The following COG4 variants were observed in gnomAD, a reference collection of about 807,000 sequenced individuals.
COG4 encodes component of oligomeric golgi complex 4, also known as conserved oligomeric Golgi complex subunit 4.
In COG4, 65 loss-of-function variants were observed where a neutral mutation model predicts 95.1. That is an observed-to-expected ratio of 0.68 (90% CI 0.56 to 0.84). The LOEUF (loss-of-function observed/expected upper bound fraction) is 0.84, where lower values mean the gene tolerates loss of function less well. COG4 is among the 40% of genes least tolerant of loss of function. COG4 has a pLI of 0.00. For missense variants in COG4, 1,045 were observed against 989.1 expected (o/e 1.06, Z -0.76); for synonymous variants, 421 against 374.8 (o/e 1.12, Z -1.42).
intron 1 of COG4, among the ~76,000 whole-genome samples, chr16:70,520,632 C>G (rs1251400233): frequency 8.7e-6 from 1 of 115,286 alleles, no homozygotes; most frequent in African/African-American, 3.1e-5. Context: ...AACGCTGTCT[C>G]AAAAAAAAAA....
intron 12 of COG4, among the ~76,000 whole-genome samples, chr16:70,495,189 G>C (rs989152809): frequency 1.3e-5 from 2 of 149,570 alleles, no homozygotes; most frequent in Non-Finnish European, 3.0e-5. Context: ...TCAGAAGTTC[G>C]AGACCAGCCT....
At chr16:70,508,161 C>T (rs771669984) in intron 8 of COG4, among the ~76,000 whole-genome samples, 6 of 152,068 alleles carry the variant, frequency 3.9e-5, no homozygotes, top group East Asian at 1.9e-4. Context: ...CCTTGTGATC[C>T]GCCTGCCTTG....
At chr16:70,498,947 G>C (rs2049394439) in intron 9 of COG4, among the ~76,000 whole-genome samples, 1 of 152,170 alleles carries the variant, frequency 6.6e-6, no homozygotes, top group South Asian at 2.1e-4. Context: ...AGGTGTGGTG[G>C]CTCACACCTG....
chr16:70,484,440 AT>A (rs1168533110), intron 13 of COG4, among the ~76,000 whole-genome samples: 1 of 152,060 alleles, frequency 6.6e-6, no homozygotes, highest in African/African-American at 2.4e-5. Flanking sequence ...CCCCTTTTAT[AT>A]TTATTTACTT....
intron 5 of COG4, among the ~76,000 whole-genome samples, 170 bp downstream of exon 5, chr16:70,512,069 G>T (rs184372965): frequency 6.6e-6 from 1 of 152,326 alleles, no homozygotes; most frequent in East Asian, 1.9e-4. Context: ...CTGGCAACAG[G>T]TGTGTTGAAT....
At chr16:70,482,697 G>A (rs377659349) in intron 15 of COG4, 32 bp downstream of exon 15, 64 of 1,580,804 alleles carry the variant, frequency 4.0e-5, no homozygotes, top group South Asian at 2.8e-4. Flanking sequence ...AGGGGTCATC[G>A]GGGCTTGATG....
At chr16:70,506,497 C>CA (rs1294487496) in intron 8 of COG4, among the ~76,000 whole-genome samples, 2 of 143,420 alleles carry the variant, frequency 1.4e-5, no homozygotes, top group Non-Finnish European at 3.0e-5. Context: ...GAGGCTGAGG[C>CA]AGGAGAATCG....
Position 70,498,027 on chromosome 16 carries a change from G to C in COG4, c.1224C>G (p.Leu408=), listed in dbSNP as rs1276449661. Residue 408 remains leucine (L), a synonymous_variant, in exon 10 of 19, where the codon CTC becomes CTG. Coordinates refer to ENST00000323786, the MANE Select transcript of COG4 (RefSeq NM_015386.3). ...TGGTACAGCTCAAAAGGCAGTTATT[G>C]AGGAGTTTGTCCAGACACTTCTGGT... is the stretch of plus-strand genomic sequence containing the variant. ...QEHQKCLDKL[L]NNCLLSCTMQ... is the part of the protein sequence containing the mutation. 1.2e-6 allele frequency: 2 copies of C among 1,613,538 alleles called. No homozygotes were observed. The highest frequency in any genetic ancestry group is 4.5e-5 in the East Asian group (2 of 44,884).
chr16:70,502,751 A>G (rs1338750395), intron 8 of COG4, among the ~76,000 whole-genome samples: 1 of 152,230 alleles, frequency 6.6e-6, no homozygotes, highest in Non-Finnish European at 1.5e-5. Context: ...TGAAAAATAC[A>G]AAGTTGGAGG....
intron 15 of COG4, chr16:70,482,474 GTC>G: frequency 1.7e-6 from 1 of 595,110 alleles, no homozygotes; most frequent in Non-Finnish European, 2.9e-6. Context: ...ACGCTTCTAA[GTC>G]TATCATAGGC....
At position 70,523,080 on chromosome 16, in the gene COG4, G is replaced by C. The variant is rs182271029; in HGVS notation, c.171+293C>G. On this transcript the variant is annotated intron_variant, in intron 1 of 18. Coordinates refer to ENST00000323786, the MANE Select transcript of COG4 (RefSeq NM_015386.3). Reference sequence around the variant, plus strand: ...CCAAGCAATTTGGCAAATACTCTCAGACTAACTTTACTCCCGTGGAGAAAC... The same window carrying C: ...CCAAGCAATTTGGCAAATACTCTCACACTAACTTTACTCCCGTGGAGAAAC... 2.1e-4 allele frequency: 99 copies of C among 462,698 alleles called. No homozygotes were observed. The East Asian group carries it at 3.0e-3, about 14-fold the overall frequency. The allele number at this position is 462,698 out of a possible 1,614,324, so 28.7% of individuals were successfully genotyped here.
rs539535604 is a variant in COG4, at chr16:70,481,864, G to C, written c.2006C>G (p.Ala669Gly). 6.2e-7 allele frequency: 1 copy of C among 1,612,958 alleles called. No individual in the cohort carries two copies. Among genetic ancestry groups the C allele is most frequent in the South Asian group, 1.1e-5 (1 of 90,910 alleles). ...GTCGTAGATGACCGGGGACAGGCTG[G>C]CCTGCACACAGAGGGTTGACATCAG... Reference protein sequence around the residue: ...NLEQQMAEFKASLSPVIYDSL... With the variant: ...NLEQQMAEFKGSLSPVIYDSL... The change falls in exon 17 of 19, where the codon GCC (alanine) becomes GGC (glycine). Residue 669 changes from alanine (A) to glycine (G), a missense_variant and splice_region_variant. Ala to Gly is a moderately conservative substitution (Grantham distance 60). Transcript: ENST00000323786.
At chr16:70,499,327 T>C (rs1322916270) in intron 9 of COG4, among the ~76,000 whole-genome samples, 1 of 152,240 alleles carries the variant, frequency 6.6e-6, no homozygotes, top group African/African-American at 2.4e-5. Context: ...ATAGTCATCA[T>C]TATTGCTTTT....
rs1349239369 is a variant in COG4 at position 70,514,465 on chromosome 16, G to C, written c.414C>G (p.Asp138Glu). 6 of 1,614,088 alleles carry C rather than the reference G, an allele frequency of 3.7e-6. No individual in the cohort carries two copies. Among genetic ancestry groups the C allele is most frequent in the Admixed American group, 3.3e-5 (2 of 60,000 alleles). The stretch of plus-strand genomic sequence containing the variant: ...GAACTCCATCCATGCAGAACTTCAG[G>C]TCCAAGATGTCATCAGCTCTCTGAA... ...QAIQRADDILDLKFCMDGVQT... is the reference protein window; with the variant it reads ...QAIQRADDILELKFCMDGVQT... Residue 138 changes from aspartate (D) to glutamate (E), a missense_variant, in exon 4 of 19, where the codon GAC becomes GAG. Coordinates refer to ENST00000323786, the MANE Select transcript of COG4 (RefSeq NM_015386.3).
intron 4 of COG4, among the ~76,000 whole-genome samples, chr16:70,514,125 G>T (rs891986227): frequency 6.6e-6 from 1 of 151,986 alleles, no homozygotes; most frequent in Non-Finnish European, 1.5e-5. Flanking sequence ...CAGGAGAATC[G>T]CTTGAACCCA....
chr16:70,520,922 T>C (rs899005781), intron 1 of COG4, among the ~76,000 whole-genome samples: 1 of 152,228 alleles, frequency 6.6e-6, no homozygotes, highest in African/African-American at 2.4e-5. Flanking sequence ...TAACATGGTA[T>C]GTGGCATATA....
chr16:70,513,884 C>A (rs551561378), intron 4 of COG4, among the ~76,000 whole-genome samples: 1 of 152,274 alleles, frequency 6.6e-6, no homozygotes, highest in African/African-American at 2.4e-5. Context: ...CAGGATGGTA[C>A]AGGACCTACG....
At chr16:70,518,026 G>C (rs1321682620) in intron 2 of COG4, among the ~76,000 whole-genome samples, 2 of 152,028 alleles carry the variant, frequency 1.3e-5, no homozygotes, top group East Asian at 3.9e-4. Flanking sequence ...CGCCTCCCGG[G>C]TTCAAGCGAT....
Position 70,519,823 on chromosome 16 carries a change from A to G in COG4, c.172-92T>C, listed in dbSNP as rs977253722. Reference sequence around the variant, plus strand: ...ATCACTTAGCTGAAGGGTGAATCTCATTTCCAAGTCCTTTTTTCCTTCCAC... The same window carrying G: ...ATCACTTAGCTGAAGGGTGAATCTCGTTTCCAAGTCCTTTTTTCCTTCCAC... On this transcript the variant is annotated intron_variant, in intron 1 of 18. Transcript: ENST00000323786. The G allele has an allele frequency of 1.1e-5, 10 of 941,168 alleles. No individual in the cohort carries two copies. In the Admixed American group the frequency reaches 1.9e-4, roughly 18 times the overall value. The allele number at this position is 941,168 out of a possible 1,614,324, so 58.3% of individuals were successfully genotyped here. A position where few individuals can be genotyped will look rare whatever the true frequency, so the allele number is the denominator to read the frequency against.
Sources: gnomAD v4.1 joint callset for allele counts (sites outside exome capture counted in the v4.1 genomes callset) on GRCh38, gnomAD v4.1.1 for gene constraint, MANE v1.5 for transcripts, NCBI Gene and HGNC (gene_info 2026-07-23, HGNC 2026-07-21) for gene names.